MSI2: variants seen among roughly 807,000 people sequenced by gnomAD.
MSI2 encodes RNA-binding protein Musashi homolog 2.
Under a neutral mutation model 45.6 loss-of-function variants are expected in MSI2, and 17 were observed. That is an observed-to-expected ratio of 0.37 (90% CI 0.26 to 0.56). MSI2 has a LOEUF of 0.56. MSI2 is among the 20% of genes least tolerant of loss of function. MSI2 has a pLI of 0.77. For missense variants in MSI2, 293 were observed against 444.2 expected (o/e 0.66, Z 3.06); for synonymous variants, 156 against 158.2 (o/e 0.99, Z 0.11).
At chr17:57,363,747 A>G (rs12943981) in intron 5 of MSI2, among the ~76,000 whole-genome samples, 6 of 90,328 alleles carry the variant, frequency 6.6e-5, no homozygotes, top group African/African-American at 2.2e-4. Flanking sequence ...TGAAACAACA[A>G]CAGCAGCAGC....
At chr17:57,544,063 G>C (rs772618336) in intron 7 of MSI2, among the ~76,000 whole-genome samples, 7 of 152,138 alleles carry the variant, frequency 4.6e-5, no homozygotes, top group Admixed American at 6.6e-5. Flanking sequence ...TTGCATCCCA[G>C]CTCTGTGTGT....
At chr17:57,271,587 C>A (rs916771068) in intron 5 of MSI2, among the ~76,000 whole-genome samples, 15 of 152,114 alleles carry the variant, frequency 9.9e-5, no homozygotes, top group Admixed American at 3.3e-4. Flanking sequence ...GATTCTCGTT[C>A]CTGCCACCTT....
chr17:57,671,535 G>A (rs1912773458), intron 11 of MSI2: 1 of 152,172 alleles, frequency 6.6e-6, no homozygotes, highest in African/African-American at 2.4e-5. Context: ...GGATCACTGA[G>A]AATTGACTGG....
intron 7 of MSI2, among the ~76,000 whole-genome samples, chr17:57,588,188 G>T (rs562385442): frequency 6.6e-6 from 1 of 152,186 alleles, no homozygotes; most frequent in South Asian, 2.1e-4. Flanking sequence ...TCCATCGCGG[G>T]CTTGTTTACT....
chr17:57,642,044 G>A (rs1006563399), intron 10 of MSI2, among the ~76,000 whole-genome samples: 2 of 152,304 alleles, frequency 1.3e-5, no homozygotes, highest in Admixed American at 1.3e-4. Context: ...GCAGCAAAAT[G>A]CACATCATCC....
intron 10 of MSI2, chr17:57,632,661 C>T: frequency 9.4e-7 from 1 of 1,066,150 alleles, no homozygotes; most frequent in Non-Finnish European, 1.1e-6. Context: ...AGGATCTTTT[C>T]CCATGGCTTG....
At chr17:57,536,756 C>T (rs2057291994) in intron 7 of MSI2, among the ~76,000 whole-genome samples, 1 of 152,312 alleles carries the variant, frequency 6.6e-6, no homozygotes, top group African/African-American at 2.4e-5. Flanking sequence ...AGACCACCAC[C>T]AACAGCCAGG....
rs1176686949 is a variant in MSI2, at chr17:57,681,599, C to A, written c.*2082C>A. The A allele has an allele frequency of 5.4e-6, 1 of 183,924 alleles. No individual in the cohort carries two copies. Among genetic ancestry groups the A allele is most frequent in the Admixed American group, 6.2e-5 (1 of 16,034 alleles). 11.4% of individuals were successfully genotyped at this position (183,924 alleles called of 1,614,324 possible). A position where few individuals can be genotyped will look rare whatever the true frequency, so the allele number is the denominator to read the frequency against. On this transcript the variant is annotated 3_prime_UTR_variant, in exon 14 of 14. Coordinates refer to ENST00000284073, the MANE Select transcript of MSI2 (RefSeq NM_138962.4). ...CAGAAAGAAAGAAAAAACCCGTTTT[C>A]AATTCTAATGAAACAGCAACAACAT...
At chr17:57,421,362 G>A (rs1298635297) in intron 6 of MSI2, among the ~76,000 whole-genome samples, 1 of 152,136 alleles carries the variant, frequency 6.6e-6, no homozygotes, top group Non-Finnish European at 1.5e-5. Flanking sequence ...TGTGTATGTA[G>A]GGCGTGAACA....
downstream of MSI2, among the ~76,000 whole-genome samples, chr17:57,686,451 G>C (rs1488425857): frequency 6.6e-6 from 1 of 152,074 alleles, no homozygotes; most frequent in Non-Finnish European, 1.5e-5. Flanking sequence ...AATATGAATG[G>C]GTTGAATTTT....
rs192221286 is a variant in MSI2, at chr17:57,498,958, C to T, written c.406-30718C>T. 7.8e-4 allele frequency among the ~76,000 whole-genome samples: 114 copies of T among 146,760 alleles called. 1 individual carries two copies. In the East Asian group the frequency reaches 0.011, roughly 14 times the overall value. On this transcript the variant is annotated intron_variant, in intron 6 of 13. Transcript: ENST00000284073. ...ACAGGCCCCGGTGTGTGATGTCCCCCTTCCTGTGTCCAAGTGTTCTCATTG... is the reference window on the plus strand; with the variant it reads ...ACAGGCCCCGGTGTGTGATGTCCCCTTTCCTGTGTCCAAGTGTTCTCATTG...
chr17:57,621,029 C>A (rs146325388), intron 9 of MSI2, among the ~76,000 whole-genome samples: 3 of 152,206 alleles, frequency 2.0e-5, no homozygotes, highest in Non-Finnish European at 4.4e-5. Context: ...ACTCTCTAAG[C>A]GAGGAGACTG....
chr17:57,376,636 T>G (rs2083501760), intron 5 of MSI2, among the ~76,000 whole-genome samples: 1 of 152,214 alleles, frequency 6.6e-6, no homozygotes, highest in South Asian at 2.1e-4. Context: ...ATAAAAATCC[T>G]GAGGCCCACC....
chr17:57,577,834 C>T (rs1035267871), intron 7 of MSI2, among the ~76,000 whole-genome samples: 2 of 152,330 alleles, frequency 1.3e-5, no homozygotes, highest in African/African-American at 4.8e-5. Flanking sequence ...TCTGCGTCCT[C>T]GGACTCCAGC....
downstream of MSI2, chr17:57,685,507 A>G (rs1255843901): frequency 6.6e-6 from 1 of 152,196 alleles, no homozygotes; most frequent in Non-Finnish European, 1.5e-5. Flanking sequence ...CCTGCATATA[A>G]CAAGTTTATC....
intron 7 of MSI2, among the ~76,000 whole-genome samples, chr17:57,574,828 CTTTTTTT>C (rs34704876): frequency 1.5e-3 from 192 of 128,402 alleles, no homozygotes; most frequent in Middle Eastern, 4.6e-3. Flanking sequence ...CTCTCTCTCT[CTTTTTTT>C]TTTTTTTTTT....
chr17:57,615,168 C>A (rs1907562903), intron 8 of MSI2, among the ~76,000 whole-genome samples: 1 of 149,962 alleles, frequency 6.7e-6, no homozygotes, highest in Non-Finnish European at 1.5e-5. Context: ...CGCTGTGTCA[C>A]CCAGGCTGGA....
chr17:57,356,255 C>A (rs926393550), intron 5 of MSI2, among the ~76,000 whole-genome samples: 1 of 152,176 alleles, frequency 6.6e-6, no homozygotes, highest in South Asian at 2.1e-4. Flanking sequence ...CCCACACATA[C>A]CAGATCTCCC....
At chr17:57,381,992 TA>T (rs1030985031) in intron 5 of MSI2, among the ~76,000 whole-genome samples, 2 of 152,196 alleles carry the variant, frequency 1.3e-5, no homozygotes, top group Non-Finnish European at 2.9e-5. Flanking sequence ...TCAAGGAACT[TA>T]AACCTAACGG....
Sources: allele counts gnomAD v4.1 joint callset (sites outside exome capture counted in the v4.1 genomes callset), GRCh38; gene constraint gnomAD v4.1.1; transcripts MANE v1.5; gene names NCBI Gene and HGNC (gene_info 2026-07-23, HGNC 2026-07-21).